Variants in DPP6 observed in about 807,000 individuals in gnomAD.
DPP6 encodes dipeptidyl peptidase like 6.
Under a neutral mutation model 122.6 loss-of-function variants are expected in DPP6, and 69 were observed. That is an observed-to-expected ratio of 0.56 (90% CI 0.46 to 0.69). DPP6 has a LOEUF of 0.69. DPP6 is among the 30% of genes least tolerant of loss of function. DPP6 has a pLI of 0.00. For missense variants in DPP6, 928 were observed against 1,116.9 expected, an observed-to-expected ratio of 0.83 and a Z score of 2.41; for synonymous variants, 418 against 433.1, an observed-to-expected ratio of 0.97 and a Z score of 0.43.
chr7:153,787,045 G>A, the DPP6 span, among the ~76,000 whole-genome samples: 2 of 146,230 alleles, frequency 1.4e-5, no homozygotes, highest in Non-Finnish European at 3.0e-5. Flanking sequence ...TCCGCTTCCC[G>A]GGTTCACGCC....
the DPP6 span, among the ~76,000 whole-genome samples, chr7:153,786,437 A>G: frequency 1.3e-5 from 2 of 151,368 alleles, no homozygotes; most frequent in African/African-American, 2.4e-5. Context: ...AAAATAATAT[A>G]CATTAAAATG....
chr7:154,532,590 G>C (rs1827926410), intron 3 of DPP6, among the ~76,000 whole-genome samples: 1 of 151,932 alleles, frequency 6.6e-6, no homozygotes, highest in Non-Finnish European at 1.5e-5. Context: ...ATCCAGTTTG[G>C]TCAAGAAAAA....
At position 154,453,581 on chromosome 7, in the gene DPP6, G is replaced by A. The variant is rs1362836613; in HGVS notation, c.358+7253G>A. Reference sequence around the variant, plus strand: ...TAAATATATAAATATAAACACATGTGAGTAAGCTATTGTTGAATTTTGATG... The same window carrying A: ...TAAATATATAAATATAAACACATGTAAGTAAGCTATTGTTGAATTTTGATG... On this transcript the variant is annotated intron_variant, in intron 2 of 25. Transcript: ENST00000377770. 4.0e-4 allele frequency among the ~76,000 whole-genome samples: 60 copies of A among 150,752 alleles called. 2 individuals are homozygous for A. The highest frequency in any genetic ancestry group is 5.9e-5 in the Non-Finnish European group (4 of 67,790).
At chr7:154,745,233 G>A (rs1438885793) in intron 8 of DPP6, among the ~76,000 whole-genome samples, 2 of 152,156 alleles carry the variant, frequency 1.3e-5, no homozygotes, top group Admixed American at 6.5e-5. Context: ...CATCCTGGAG[G>A]TCTCCATAGT....
At chr7:153,864,670 AATACAC>A in the DPP6 span, among the ~76,000 whole-genome samples, 12 of 100,504 alleles carry the variant, frequency 1.2e-4, no homozygotes, top group Non-Finnish European at 2.0e-4. Context: ...AAATAATAAT[AATACAC>A]ACACACACAC....
chr7:153,772,158 A>G, the DPP6 span, among the ~76,000 whole-genome samples: 2 of 152,132 alleles, frequency 1.3e-5, no homozygotes, highest in Non-Finnish European at 2.9e-5. Flanking sequence ...ATCTTGGCTC[A>G]CTGCAACCTC....
chr7:153,786,289 T>C, the DPP6 span, among the ~76,000 whole-genome samples: 5 of 147,074 alleles, frequency 3.4e-5, no homozygotes, highest in Non-Finnish European at 7.5e-5. Context: ...CTAGAAATAC[T>C]AGTTAAAACA....
At position 154,450,453 on chromosome 7, in the gene DPP6, T is replaced by G. The variant is rs1480925227; in HGVS notation, c.358+4125T>G. On this transcript the variant is annotated intron_variant, in intron 2 of 25. Coordinates refer to ENST00000377770, the MANE Select transcript of DPP6 (RefSeq NM_130797.4). ...CATCTCTATTAAGCTATGAGTTTGA[T>G]AAAAAGATGGGAAAGCTGTTGGGGG... is the stretch of plus-strand genomic sequence containing the variant. Among the ~76,000 whole-genome samples, 5 of 152,198 alleles carry G rather than the reference T, an allele frequency of 3.3e-5. No individual in the cohort carries two copies. The East Asian group carries it at 7.7e-4, about 23-fold the overall frequency.
chr7:154,497,542 G>A (rs945254850), intron 3 of DPP6, among the ~76,000 whole-genome samples: 1 of 151,822 alleles, frequency 6.6e-6, no homozygotes, highest in Non-Finnish European at 1.5e-5. Flanking sequence ...TCGGGAGGTA[G>A]AGGTTGCAGT....
At chr7:154,866,669 C>T (rs781237526) in intron 17 of DPP6, among the ~76,000 whole-genome samples, 10 of 152,242 alleles carry the variant, frequency 6.6e-5, no homozygotes, top group East Asian at 1.9e-4. Context: ...GGTGGTCTAA[C>T]GTCAGATTTG....
intron 22 of DPP6, among the ~76,000 whole-genome samples, chr7:154,886,792 C>T (rs970120465): frequency 1.1e-4 from 17 of 152,158 alleles, no homozygotes; most frequent in Non-Finnish European, 1.6e-4. Context: ...CTGTAGACAC[C>T]GCCCAGCAAG....
At chr7:154,766,108 G>A (rs1004691557) in intron 8 of DPP6, among the ~76,000 whole-genome samples, 9 of 152,164 alleles carry the variant, frequency 5.9e-5, no homozygotes, top group African/African-American at 2.2e-4. Flanking sequence ...AAATGGCAAG[G>A]AGCGATGTGT....
At chr7:154,108,855 A>T (rs897904182) in intron 1 of DPP6, among the ~76,000 whole-genome samples, 1 of 152,212 alleles carries the variant, frequency 6.6e-6, no homozygotes, top group African/African-American at 2.4e-5. Flanking sequence ...TACCTATACA[A>T]ACCAGCTATA....
chr7:154,631,888 G>A (rs1835430580), intron 5 of DPP6, among the ~76,000 whole-genome samples: 1 of 152,172 alleles, frequency 6.6e-6, no homozygotes, highest in South Asian at 2.1e-4. Context: ...GTCTTGCAAA[G>A]GAAGATGGCA....
intron 3 of DPP6, among the ~76,000 whole-genome samples, chr7:154,490,819 C>A (rs1349412351): frequency 6.6e-6 from 1 of 152,176 alleles, no homozygotes; most frequent in Non-Finnish European, 1.5e-5. Flanking sequence ...TGAGCCTCTG[C>A]TGCTTAGTTC....
chr7:154,093,975 A>G (rs10243570), intron 1 of DPP6: 45,252 of 152,064 alleles, frequency 0.3, 6,910 homozygotes, highest in Admixed American at 0.38. Context: ...AATTCCTGCT[A>G]GCATAAAAGA....
intron 1 of DPP6, among the ~76,000 whole-genome samples, chr7:153,916,005 C>T (rs1008824645): frequency 3.3e-5 from 5 of 151,974 alleles, no homozygotes; most frequent in Non-Finnish European, 4.4e-5. Context: ...CTCGCTCTGT[C>T]GCCCAGGCTG....
At chr7:154,876,361 G>C (rs1475190832) in intron 20 of DPP6, 1 of 560,566 alleles carries the variant, frequency 1.8e-6, no homozygotes, top group Non-Finnish European at 2.6e-6. Context: ...GAAATTGCCG[G>C]TTGGGTTGGC....
At chr7:154,592,969 C>T (rs1211359417) in intron 5 of DPP6, among the ~76,000 whole-genome samples, 2 of 152,144 alleles carry the variant, frequency 1.3e-5, no homozygotes, top group African/African-American at 4.8e-5. Flanking sequence ...GCAGAAACAC[C>T]TGGTAATCCT....
Sources: allele counts gnomAD v4.1 joint callset (sites outside exome capture counted in the v4.1 genomes callset), GRCh38; gene constraint gnomAD v4.1.1; transcripts MANE v1.5; gene names NCBI Gene and HGNC (gene_info 2026-07-23, HGNC 2026-07-21).